AGBL1: variants seen among roughly 807,000 people sequenced by gnomAD.
AGBL1 encodes cytosolic carboxypeptidase 4.
In AGBL1, 130 loss-of-function variants were observed where a neutral mutation model predicts 118.9. The observed-to-expected ratio is 1.09, with a 90% CI of 0.95 to 1.26. AGBL1 has a LOEUF of 1.26. AGBL1 is among the 50% of genes most tolerant of loss of function. The pLI is 0.00. For synonymous variants in AGBL1, 555 were observed against 478.9 expected (o/e 1.16, Z -2.08); for missense variants, 1,584 against 1,298.1 (o/e 1.22, Z -3.38).
intron 22 of AGBL1, among the ~76,000 whole-genome samples, chr15:86,858,391 A>C (rs927862421): frequency 4.6e-5 from 7 of 152,168 alleles, no homozygotes; most frequent in Non-Finnish European, 1.0e-4. Context: ...GCACAGGACT[A>C]AATACTGGGG....
chr15:86,606,946 A>T (rs2437801), intron 21 of AGBL1, among the ~76,000 whole-genome samples: 2 of 151,888 alleles, frequency 1.3e-5, no homozygotes, highest in Non-Finnish European at 2.9e-5. Context: ...TGCCTTAAAG[A>T]TCCCCTGTGC....
At chr15:86,945,393 C>A (rs2080806897) in intron 23 of AGBL1, among the ~76,000 whole-genome samples, 1 of 152,018 alleles carries the variant, frequency 6.6e-6, no homozygotes. Context: ...ACCAGCCGGG[C>A]ACAGTGGCTC....
chr15:86,136,358 C>T (rs2076888812), intron 1 of AGBL1, among the ~76,000 whole-genome samples: 1 of 152,160 alleles, frequency 6.6e-6, no homozygotes. Flanking sequence ...CGAATTAGAA[C>T]AAATAATTCT....
Position 86,168,962 on chromosome 15 carries a change from C to G in AGBL1, c.488+9936C>G, listed in dbSNP as rs529834638. Among the ~76,000 whole-genome samples, 4 of 152,180 alleles carry G rather than the reference C, an allele frequency of 2.6e-5. No homozygotes were observed. In the South Asian group the frequency reaches 8.3e-4, roughly 32 times the overall value. ...GTCTACTAAGATATTAGTGTTCTCA[C>G]CTTAAAAAACAAACTAGAGATAAAA... On this transcript the variant is annotated intron_variant, in intron 5 of 22. Transcript: ENST00000614907.
At chr15:86,133,679 A>G (rs1210988746) in intron 1 of AGBL1, among the ~76,000 whole-genome samples, 1 of 152,200 alleles carries the variant, frequency 6.6e-6, no homozygotes. Flanking sequence ...ACCGAGGAGG[A>G]TCATTGATAT....
intron 5 of AGBL1, among the ~76,000 whole-genome samples, chr15:86,177,985 A>C (rs2077503806): frequency 6.6e-6 from 1 of 152,224 alleles, no homozygotes; most frequent in South Asian, 2.1e-4. Flanking sequence ...CAATTCAATC[A>C]AAAGTTGGTT....
At chr15:86,209,162 T>G (rs2078047621) in intron 5 of AGBL1, among the ~76,000 whole-genome samples, 1 of 152,224 alleles carries the variant, frequency 6.6e-6, no homozygotes, top group South Asian at 2.1e-4. Flanking sequence ...TTAATATGAT[T>G]GCACTGTGGT....
At chr15:86,222,611 A>G (rs1334248949) in intron 5 of AGBL1, among the ~76,000 whole-genome samples, 2 of 152,114 alleles carry the variant, frequency 1.3e-5, no homozygotes, top group African/African-American at 2.4e-5. Context: ...CTCAAATCTT[A>G]TCTCCATCAT....
intron 23 of AGBL1, among the ~76,000 whole-genome samples, chr15:86,933,230 A>T (rs2080625946): frequency 6.6e-6 from 1 of 152,188 alleles, no homozygotes. Context: ...GTCCCTGTTC[A>T]TTCCTGGGCA....
chr15:86,683,514 A>G (rs1434003446), intron 22 of AGBL1, among the ~76,000 whole-genome samples: 1 of 152,200 alleles, frequency 6.6e-6, no homozygotes, highest in African/African-American at 2.4e-5. Flanking sequence ...AAGTGACTCC[A>G]TGGGAGTCCA....
intron 17 of AGBL1, among the ~76,000 whole-genome samples, chr15:86,374,167 CT>C (rs1334835004): frequency 6.6e-6 from 1 of 152,188 alleles, no homozygotes; most frequent in Non-Finnish European, 1.5e-5. Context: ...TATAACTCAG[CT>C]TTTCTAAATT....
At chr15:86,471,680 A>C (rs2082481313) in intron 18 of AGBL1, among the ~76,000 whole-genome samples, 1 of 152,122 alleles carries the variant, frequency 6.6e-6, no homozygotes, top group Non-Finnish European at 1.5e-5. Context: ...TTCTCTTTGT[A>C]AATTTTCCCT....
intron 22 of AGBL1, among the ~76,000 whole-genome samples, chr15:86,786,128 T>C (rs2078409172): frequency 6.6e-6 from 1 of 152,204 alleles, no homozygotes; most frequent in African/African-American, 2.4e-5. Context: ...TATTATACTT[T>C]AAGTTTTAGG....
At chr15:86,476,370 A>G (rs1036288864) in intron 18 of AGBL1, among the ~76,000 whole-genome samples, 4 of 152,236 alleles carry the variant, frequency 2.6e-5, no homozygotes, top group Admixed American at 6.5e-5. Flanking sequence ...GGCTCAAAAT[A>G]AAGGGGTGGA....
At chr15:86,453,541 G>A (rs993284821) in intron 18 of AGBL1, among the ~76,000 whole-genome samples, 1 of 152,150 alleles carries the variant, frequency 6.6e-6, no homozygotes, top group East Asian at 1.9e-4. Flanking sequence ...TTTTCTTCCC[G>A]AAAGCAGCCT....
chr15:87,013,893 C>G (rs1490382553), intron 24 of AGBL1, among the ~76,000 whole-genome samples: 1 of 152,132 alleles, frequency 6.6e-6, no homozygotes, highest in Non-Finnish European at 1.5e-5. Context: ...AACATAGACA[C>G]ACTTGATTTG....
chr15:86,426,628 C>T (rs771638459), intron 18 of AGBL1, among the ~76,000 whole-genome samples: 13 of 152,196 alleles, frequency 8.5e-5, no homozygotes, highest in Non-Finnish European at 1.8e-4. Context: ...CTAAATGCAG[C>T]CTTAAGGCTG....
chr15:87,024,021 T>G (rs1275039309), intron 24 of AGBL1, among the ~76,000 whole-genome samples: 2 of 151,654 alleles, frequency 1.3e-5, no homozygotes, highest in African/African-American at 4.8e-5. Context: ...AATACCTACA[T>G]CAAAAAGTCT....
chr15:86,659,771 T>A (rs1342800944), intron 21 of AGBL1, among the ~76,000 whole-genome samples: 3 of 152,176 alleles, frequency 2.0e-5, no homozygotes, highest in Non-Finnish European at 4.4e-5. Context: ...ACATTTCTCA[T>A]CATTTGAACT....
Sources: gnomAD v4.1 joint callset for allele counts (sites outside exome capture counted in the v4.1 genomes callset) on GRCh38, gnomAD v4.1.1 for gene constraint, MANE v1.5 for transcripts, NCBI Gene and HGNC (gene_info 2026-07-23, HGNC 2026-07-21) for gene names.